ENAH: variants seen among roughly 807,000 people sequenced by gnomAD.
ENAH encodes the protein protein enabled homolog.
A neutral mutation model predicts 78.7 loss-of-function variants in ENAH; 23 were observed. That is an observed-to-expected ratio of 0.29 (90% CI 0.21 to 0.41). The LOEUF is 0.41. ENAH is among the 10% of genes least tolerant of loss of function. The probability of loss-of-function intolerance (pLI) is 1.00; values close to 1 mark genes in which losing one functional copy is unlikely to be tolerated. For missense variants in ENAH, 544 were observed against 691.0 expected (o/e 0.79, Z 2.39); for synonymous variants, 226 against 241.0 (o/e 0.94, Z 0.58).
At chr1:225,615,083 C>A (rs897129069) in intron 1 of ENAH, among the ~76,000 whole-genome samples, 2 of 152,208 alleles carry the variant, frequency 1.3e-5, no homozygotes, top group Non-Finnish European at 2.9e-5. Flanking sequence ...CGGTCTCCCT[C>A]TGATGCCGAG....
intron 11 of ENAH, among the ~76,000 whole-genome samples, chr1:225,506,113 T>C (rs1275210058): frequency 6.6e-6 from 1 of 152,224 alleles, no homozygotes; most frequent in Non-Finnish European, 1.5e-5. Context: ...ACCTCGTCCA[T>C]GTCCCTTCTA....
intron 6 of ENAH, among the ~76,000 whole-genome samples, chr1:225,515,738 T>C (rs899316735): frequency 1.3e-5 from 2 of 152,218 alleles, no homozygotes; most frequent in African/African-American, 2.4e-5. Context: ...TGGGTGGTAA[T>C]TGCTAACTTT....
upstream of ENAH, among the ~76,000 whole-genome samples, chr1:225,653,517 A>G (rs2148550495): frequency 8.1e-6 from 1 of 123,052 alleles, no homozygotes; most frequent in East Asian, 2.9e-4. This position sits in a 1 kb window ranked among gnomAD's most constrained non-coding sequence, Gnocchi z 4.3. Context: ...CCCGCTCCCC[A>G]GAGGCTTGGG....
In ENAH at chr1:225,594,842, A is replaced by G. The variant is rs139389793; in HGVS notation, c.6-27428T>C. 3.3e-5 allele frequency among the ~76,000 whole-genome samples: 5 copies of G among 152,374 alleles called. No homozygotes were observed. The East Asian group carries it at 5.8e-4, about 18-fold the overall frequency. On this transcript the variant is annotated intron_variant, in intron 1 of 13. Coordinates refer to ENST00000366843, the MANE Select transcript of ENAH (RefSeq NM_018212.6). ...TTGCTATAAGTACAAAATACTTTATAGACAGCTTTGCTAAGAGCATAATCA... is the reference window on the plus strand; with the variant it reads ...TTGCTATAAGTACAAAATACTTTATGGACAGCTTTGCTAAGAGCATAATCA...
intron 1 of ENAH, among the ~76,000 whole-genome samples, chr1:225,591,287 G>A (rs1394870625): frequency 1.3e-5 from 2 of 152,056 alleles, no homozygotes; most frequent in Non-Finnish European, 2.9e-5. Context: ...TGGCTAACAT[G>A]GTGAAACCCT....
intron 1 of ENAH, among the ~76,000 whole-genome samples, chr1:225,616,681 G>C (rs1655767489): frequency 6.6e-6 from 1 of 152,122 alleles, no homozygotes; most frequent in Non-Finnish European, 1.5e-5. Flanking sequence ...CCACCAATCA[G>C]AACTACAAAG....
At chr1:225,526,410 C>T (rs988183809) in intron 4 of ENAH, among the ~76,000 whole-genome samples, 4 of 151,584 alleles carry the variant, frequency 2.6e-5, no homozygotes, top group Non-Finnish European at 5.9e-5. Flanking sequence ...ACGATCTCAG[C>T]TCATTGCGAC....
chr1:225,647,852 A>T (rs931095121), intron 1 of ENAH, among the ~76,000 whole-genome samples: 1 of 152,112 alleles, frequency 6.6e-6, no homozygotes, highest in African/African-American at 2.4e-5. Context: ...GAATATAAAA[A>T]TGCTAGTATT....
intron 1 of ENAH, among the ~76,000 whole-genome samples, chr1:225,639,586 C>G (rs1454711271): frequency 6.6e-6 from 1 of 152,050 alleles, no homozygotes; most frequent in Non-Finnish European, 1.5e-5. Flanking sequence ...CCAGATGCAA[C>G]CCCTTGATCT....
At chr1:225,623,992 C>G (rs1282383313) in intron 1 of ENAH, among the ~76,000 whole-genome samples, 1 of 152,176 alleles carries the variant, frequency 6.6e-6, no homozygotes, top group Non-Finnish European at 1.5e-5. Flanking sequence ...CAATGTTTAG[C>G]TCCTACTTAT....
chr1:225,514,733 G>T lies in ENAH; in HGVS notation c.1081C>A (p.Pro361Thr). 3.4e-6 allele frequency: 3 copies of T among 887,052 alleles called. No individual in the cohort carries two copies. Among genetic ancestry groups the T allele is most frequent in the Non-Finnish European group, 5.0e-6 (3 of 594,516 alleles). The allele number at this position is 887,052 out of a possible 1,614,324, so 54.9% of individuals were successfully genotyped here. Residue 361 changes from proline (P) to threonine (T), a missense_variant, in exon 7 of 14, where the codon CCC (proline) becomes ACC (threonine). Transcript: ENST00000366843. ...PPPPPLPNQVPPPPPPPPAPP... is the reference protein window; with the variant it reads ...PPPPPLPNQVTPPPPPPPAPP... ...GCAGGAGGTGGTGGAGGAGGAGGGG[G>T]TACTTGATTAGGGAGAGGAGGGGGA... is the stretch of plus-strand genomic sequence containing the variant.
At chr1:225,643,936 A>G (rs1575848182) in intron 1 of ENAH, among the ~76,000 whole-genome samples, 1 of 152,282 alleles carries the variant, frequency 6.6e-6, no homozygotes, top group East Asian at 1.9e-4. Flanking sequence ...GACCCTATTT[A>G]AAAAATAAAA....
At chr1:225,638,420 A>G (rs1660443747) in intron 1 of ENAH, among the ~76,000 whole-genome samples, 1 of 152,150 alleles carries the variant, frequency 6.6e-6, no homozygotes, top group South Asian at 2.1e-4. Context: ...CGGCCTCCCA[A>G]ACTGCTGGGA....
intron 1 of ENAH, among the ~76,000 whole-genome samples, chr1:225,628,132 C>T (rs1417916500): frequency 1.3e-5 from 2 of 152,198 alleles, no homozygotes; most frequent in African/African-American, 2.4e-5. Flanking sequence ...GATAGAAGCT[C>T]AGCAGAGCTG....
intron 1 of ENAH, among the ~76,000 whole-genome samples, chr1:225,601,684 C>T (rs888152415): frequency 6.6e-6 from 1 of 151,626 alleles, no homozygotes; most frequent in East Asian, 1.9e-4. Flanking sequence ...ATTACTAAAC[C>T]ATGTGGTAGG....
intron 3 of ENAH, among the ~76,000 whole-genome samples, chr1:225,533,510 CT>C (rs1461132451): frequency 3.3e-5 from 5 of 152,094 alleles, no homozygotes; most frequent in Admixed American, 3.3e-4. Flanking sequence ...GGTTAAGAAA[CT>C]AGTGAACCTG....
intron 1 of ENAH, among the ~76,000 whole-genome samples, chr1:225,626,958 GAC>G (rs1038072620): frequency 6.6e-6 from 1 of 152,110 alleles, no homozygotes; most frequent in African/African-American, 2.4e-5. Flanking sequence ...GGTATTTCAC[GAC>G]ACAAGTACAT....
chr1:225,591,207 G>A (rs1386736601), intron 1 of ENAH, among the ~76,000 whole-genome samples: 2 of 152,218 alleles, frequency 1.3e-5, no homozygotes, highest in African/African-American at 4.8e-5. Context: ...GGTGGCTCAT[G>A]CCTGTAATCC....
chr1:225,574,007 G>T (rs191457774), intron 1 of ENAH, among the ~76,000 whole-genome samples: 4 of 152,168 alleles, frequency 2.6e-5, no homozygotes, highest in African/African-American at 9.6e-5. Flanking sequence ...TAAAGAAAGA[G>T]AATTAGCATC....
Sources: gnomAD v4.1 joint callset for allele counts (sites outside exome capture counted in the v4.1 genomes callset) on GRCh38, gnomAD v4.1.1 for gene constraint, Gnocchi (gnomAD v3.1) non-coding constraint, MANE v1.5 for transcripts, NCBI Gene and HGNC (gene_info 2026-07-23, HGNC 2026-07-21) for gene names.